GPATCH8: variants seen among roughly 807,000 people sequenced by gnomAD.
The protein encoded by GPATCH8 is G patch domain-containing protein 8.
GPATCH8 carries 18 observed loss-of-function variants against 118.3 expected under a neutral mutation model. The observed-to-expected ratio is 0.15, with a 90% CI of 0.11 to 0.23. The LOEUF (loss-of-function observed/expected upper bound fraction) is 0.23, where lower values mean the gene tolerates loss of function less well. Ranked by LOEUF, GPATCH8 falls within the 10% of genes least tolerant of loss-of-function variation. The pLI, the probability that GPATCH8 is intolerant of heterozygous loss-of-function variation, is 1.00. For synonymous variants in GPATCH8, 659 were observed against 684.7 expected (o/e 0.96, Z 0.59); for missense variants, 1,631 against 1,873.8 (o/e 0.87, Z 2.39).
At chr17:44,403,773 A>T (rs1277859896) in intron 7 of GPATCH8, among the ~76,000 whole-genome samples, 1 of 151,524 alleles carries the variant, frequency 6.6e-6, no homozygotes, top group Non-Finnish European at 1.5e-5. Context: ...GGCTCACTGC[A>T]ACCTCTGCCT....
rs542636911 is a variant in GPATCH8, at chr17:44,445,514, T to C, written c.194-8969A>G. 1.1e-3 allele frequency among the ~76,000 whole-genome samples: 165 copies of C among 145,192 alleles called. 1 individual carries two copies. The highest frequency in any genetic ancestry group is 8.6e-3 in the East Asian group (44 of 5,114). On this transcript the variant is annotated intron_variant, in intron 3 of 7. Transcript: ENST00000591680. The stretch of plus-strand genomic sequence containing the variant: ...AGTATTTCTTTTTCTTTTTTTTTTT[T>C]CCCCCCCTAAGATGGAGTTTCACTC...
intron 1 of GPATCH8, among the ~76,000 whole-genome samples, chr17:44,493,010 C>CCACTGG (rs1217268702): frequency 1.3e-5 from 2 of 150,036 alleles, no homozygotes; most frequent in East Asian, 3.9e-4. Context: ...ACCAATTAAA[C>CCACTGG]CACTGGTTTA....
intron 3 of GPATCH8, among the ~76,000 whole-genome samples, chr17:44,451,331 G>A (rs2051104611): frequency 6.6e-6 from 1 of 152,044 alleles, no homozygotes; most frequent in African/African-American, 2.4e-5. Flanking sequence ...AGCCTCAAGT[G>A]ATCCACCTGC....
chr17:44,399,736 G>A lies in GPATCH8; in HGVS notation c.2341C>T (p.His781Tyr), dbSNP rs778450008. ...TCACCTTTGTGTTTCCTCCCACCAT[G>A]GTCTTGGGAGCTGCTACCACCCCCA... is the stretch of plus-strand genomic sequence containing the variant. ...EGGGGSSSQD[H>Y]GGRKHKGELP... Residue 781 changes from histidine (H) to tyrosine (Y), a missense_variant, in exon 8 of 8, where the codon CAT becomes TAT. Coordinates refer to ENST00000591680, the MANE Select transcript of GPATCH8 (RefSeq NM_001002909.4). 2.5e-6 allele frequency: 4 copies of A among 1,614,016 alleles called. No homozygotes were observed. The South Asian group carries it at 4.4e-5, about 18-fold the overall frequency.
intron 3 of GPATCH8, among the ~76,000 whole-genome samples, chr17:44,455,020 TGAC>T (rs2051272465): frequency 6.6e-6 from 1 of 152,240 alleles, no homozygotes. Flanking sequence ...TAAGCTTTTC[TGAC>T]AATCCATACC....
intron 1 of GPATCH8, among the ~76,000 whole-genome samples, chr17:44,500,423 G>A (rs1050888362): frequency 3.9e-5 from 6 of 152,080 alleles, no homozygotes; most frequent in African/African-American, 1.4e-4. Context: ...AAAAAGTTAG[G>A]TCCCTGATAA....
chr17:44,430,542 T>C (rs76570957), intron 5 of GPATCH8, among the ~76,000 whole-genome samples: 2,175 of 152,184 alleles, frequency 0.014, 28 homozygotes, highest in Middle Eastern at 0.037. Flanking sequence ...AGGCACTTCC[T>C]CAACCTGATG....
intron 5 of GPATCH8, among the ~76,000 whole-genome samples, chr17:44,434,613 G>C (rs2050433551): frequency 6.6e-6 from 1 of 152,108 alleles, no homozygotes; most frequent in Non-Finnish European, 1.5e-5. Flanking sequence ...GCCGAGGCGG[G>C]TGGATCACAA....
chr17:44,491,388 C>T (rs1184801473), intron 1 of GPATCH8, among the ~76,000 whole-genome samples: 4 of 149,494 alleles, frequency 2.7e-5, no homozygotes, highest in Non-Finnish European at 4.4e-5. Flanking sequence ...GCTTGGGAGG[C>T]TGAAGCAGAG....
At chr17:44,463,696 G>A (rs940036676) in intron 3 of GPATCH8, among the ~76,000 whole-genome samples, 4 of 152,202 alleles carry the variant, frequency 2.6e-5, no homozygotes, top group African/African-American at 9.7e-5. Flanking sequence ...CATAATTTCT[G>A]AGGTAGCATT....
In GPATCH8 at chr17:44,400,987, G is replaced by A. The variant is rs769984886; in HGVS notation, c.1090C>T (p.Pro364Ser). The change falls in exon 8 of 8, where the codon CCT becomes TCT. Residue 364 changes from proline (P) to serine (S), a missense_variant. Pro to Ser is a moderately conservative substitution (Grantham distance 74, BLOSUM62 -1). Transcript: ENST00000591680. ...GAGGCAAGGGACCCTCCATCCTGAG[G>A]GTCTTCATCCTCTTTTTTACCATCA... is the stretch of plus-strand genomic sequence containing the variant. ...NLDGKKEDED[P>S]QDGGSLASTL... 5.6e-6 allele frequency: 9 copies of A among 1,613,602 alleles called. No individual in the cohort carries two copies. The African/African-American group carries it at 1.1e-4, about 19-fold the overall frequency.
At position 44,503,195 on chromosome 17, in the gene GPATCH8, G is replaced by A. The variant is rs550221218; in HGVS notation, c.45+131C>T. 38 of 808,762 alleles carry A rather than the reference G, an allele frequency of 4.7e-5. 1 individual carries two copies. The East Asian group carries it at 8.0e-4, about 17-fold the overall frequency. The allele number at this position is 808,762 out of a possible 1,614,324, so 50.1% of individuals were successfully genotyped here. On this transcript the variant is annotated intron_variant, in intron 1 of 7. Transcript: ENST00000591680. ...CCGGGAGGCCTCTTGAGAAAGCAGA[G>A]ACGGGAGAAGAGCGAGCTGGTTCGC...
chr17:44,440,504 C>G (rs182837157), intron 3 of GPATCH8, among the ~76,000 whole-genome samples: 366 of 152,294 alleles, frequency 2.4e-3, no homozygotes, highest in African/African-American at 8.7e-3. Context: ...ACCTTTCAGG[C>G]TCAAGTGATC....
intron 1 of GPATCH8, among the ~76,000 whole-genome samples, chr17:44,487,065 T>C (rs943541502): frequency 9.9e-5 from 15 of 152,224 alleles, no homozygotes; most frequent in Non-Finnish European, 1.6e-4. Flanking sequence ...TCTATGAGTT[T>C]TGACAAATGT....
intron 2 of GPATCH8, chr17:44,467,182 T>C: frequency 1.7e-6 from 1 of 573,960 alleles, no homozygotes; most frequent in Middle Eastern, 6.5e-4. Context: ...TCGTTTTTTT[T>C]TTTGTCTTGT....
At chr17:44,404,805 AC>A (rs2049158174) in intron 7 of GPATCH8, among the ~76,000 whole-genome samples, 2 of 152,180 alleles carry the variant, frequency 1.3e-5, no homozygotes, top group African/African-American at 4.8e-5. Flanking sequence ...AAGTAAAGTA[AC>A]CCAGGAACAG....
chr17:44,477,531 G>C (rs1967872781), intron 1 of GPATCH8, among the ~76,000 whole-genome samples: 3 of 151,792 alleles, frequency 2.0e-5, no homozygotes, highest in African/African-American at 7.3e-5. Flanking sequence ...AGTACACTTG[G>C]CTTGGACTAT....
chr17:44,464,052 G>A (rs2051665754), intron 3 of GPATCH8, among the ~76,000 whole-genome samples: 1 of 152,006 alleles, frequency 6.6e-6, no homozygotes, highest in Non-Finnish European at 1.5e-5. Flanking sequence ...CAGCTTCAGG[G>A]AGAATTTAAA....
intron 3 of GPATCH8, among the ~76,000 whole-genome samples, chr17:44,443,705 A>G (rs539811096): frequency 3.0e-4 from 45 of 152,210 alleles, no homozygotes; most frequent in Non-Finnish European, 4.9e-4. Flanking sequence ...GGGTCTCACC[A>G]TCGCCCAGGC....
Sources: allele counts gnomAD v4.1 joint callset (sites outside exome capture counted in the v4.1 genomes callset), GRCh38; gene constraint gnomAD v4.1.1; transcripts MANE v1.5; gene names NCBI Gene and HGNC (gene_info 2026-07-23, HGNC 2026-07-21).